Variants in SLCO1B1 observed in about 807,000 individuals in gnomAD.
SLCO1B1 encodes the protein OATP-2.
In SLCO1B1, 81 loss-of-function variants were observed where a neutral mutation model predicts 70.1. That is an observed-to-expected ratio of 1.16 (90% CI 0.97 to 1.39). The LOEUF is 1.39. Ranked by LOEUF, SLCO1B1 falls within the 40% of genes most tolerant of loss-of-function variation. The pLI is 0.00. For missense variants in SLCO1B1, 895 were observed against 799.6 expected (o/e 1.12, Z -1.44); for synonymous variants, 283 against 271.5 (o/e 1.04, Z -0.42).
chr12:21,141,445 G>C, intron 1 of SLCO1B1, 69 bp from the exon 2 acceptor site: 2 of 579,410 alleles, frequency 3.5e-6, no homozygotes, highest in Admixed American at 4.9e-5. Flanking sequence ...TGATGATCTT[G>C]TGGCTTTTCT....
At chr12:21,169,745 A>ATT (rs60617481) in intron 2 of SLCO1B1, among the ~76,000 whole-genome samples, 44,963 of 150,912 alleles carry the variant, frequency 0.3, 7,849 homozygotes, top group East Asian at 0.49. Context: ...TGGAGATGTA[A>ATT]TTTTTTTTTC....
At chr12:21,231,447 G>A (rs530120307) in intron 14 of SLCO1B1, among the ~76,000 whole-genome samples, 39 of 152,094 alleles carry the variant, frequency 2.6e-4, no homozygotes, top group African/African-American at 7.5e-4. Context: ...TCCCAAAAAT[G>A]GTACCTCCTA....
chr12:21,214,838 C>T (rs540704921), intron 11 of SLCO1B1, among the ~76,000 whole-genome samples: 9 of 152,188 alleles, frequency 5.9e-5, no homozygotes, highest in East Asian at 1.9e-4. Flanking sequence ...AGGTGCTGTC[C>T]GTCACCCCTT....
chr12:21,193,271 C>T (rs956689374), intron 7 of SLCO1B1, among the ~76,000 whole-genome samples: 3 of 152,010 alleles, frequency 2.0e-5, no homozygotes, highest in Non-Finnish European at 2.9e-5. Flanking sequence ...TCTAGTCATT[C>T]TATTTATAAT....
In SLCO1B1 at chr12:21,224,869, TTTTC is replaced by T. The variant is rs1941467271; in HGVS notation, c.1865+34_1865+37del. ...GTTGTCATAAATATATTTCATTATT[TTTTC>T]TTTGACTATATTAATTCCTAAAAAA... On this transcript the variant is annotated intron_variant, in intron 14 of 14. Coordinates refer to ENST00000256958, the MANE Select transcript of SLCO1B1 (RefSeq NM_006446.5). 6 of 1,218,114 alleles carry T rather than the reference TTTTC, an allele frequency of 4.9e-6. No individual in the cohort carries two copies. The East Asian group carries it at 1.4e-4, about 29-fold the overall frequency. The allele number at this position is 1,218,114 out of a possible 1,614,324, so 75.5% of individuals were successfully genotyped here. A position where few individuals can be genotyped will look rare whatever the true frequency, so the allele number is the denominator to read the frequency against.
intron 7 of SLCO1B1, among the ~76,000 whole-genome samples, chr12:21,188,809 A>C (rs1335060623): frequency 6.6e-6 from 1 of 151,802 alleles, no homozygotes; most frequent in East Asian, 1.9e-4. Context: ...TAACCATTCT[A>C]CTCTTTGCTT....
chr12:21,136,181 A>C (rs1315517996), intron 1 of SLCO1B1, among the ~76,000 whole-genome samples: 5 of 152,114 alleles, frequency 3.3e-5, no homozygotes, highest in Admixed American at 6.6e-5. Context: ...TGGCTTGTAG[A>C]GTTTCTGCCG....
intron 2 of SLCO1B1, among the ~76,000 whole-genome samples, chr12:21,162,857 C>A (rs921940504): frequency 2.0e-5 from 3 of 152,046 alleles, no homozygotes; most frequent in Non-Finnish European, 4.4e-5. Context: ...ATAGTAGGTT[C>A]CACATGATAA....
chr12:21,147,636 T>C (rs1279244848), intron 2 of SLCO1B1, among the ~76,000 whole-genome samples: 2 of 152,244 alleles, frequency 1.3e-5, no homozygotes, highest in African/African-American at 2.4e-5. Context: ...GGCTGCATAG[T>C]ATTCCATGGT....
intron 2 of SLCO1B1, among the ~76,000 whole-genome samples, chr12:21,155,942 A>G (rs80205955): frequency 6.4e-4 from 98 of 152,300 alleles, no homozygotes; most frequent in Admixed American, 2.0e-3. Context: ...ACATGCAACC[A>G]ATGTCTGAAC....
intron 12 of SLCO1B1, among the ~76,000 whole-genome samples, chr12:21,219,738 G>T (rs749938716): frequency 5.9e-5 from 9 of 152,034 alleles, no homozygotes; most frequent in African/African-American, 2.2e-4. Flanking sequence ...ATGAGTCTCA[G>T]TTGTTTTGCT....
chr12:21,182,163 GT>G (rs1352367774), intron 7 of SLCO1B1, among the ~76,000 whole-genome samples: 1 of 152,144 alleles, frequency 6.6e-6, no homozygotes, highest in African/African-American at 2.4e-5. Context: ...GTGCAGGGTT[GT>G]TGAACACCAG....
chr12:21,214,416 C>A (rs563243986), intron 11 of SLCO1B1, among the ~76,000 whole-genome samples: 1 of 147,558 alleles, frequency 6.8e-6, no homozygotes, highest in South Asian at 2.1e-4. Flanking sequence ...GCAGTGTGCC[C>A]GTTCTCAGAT....
At chr12:21,141,893 G>A (rs1940314740) in intron 2 of SLCO1B1, among the ~76,000 whole-genome samples, 1 of 151,668 alleles carries the variant, frequency 6.6e-6, no homozygotes, top group Non-Finnish European at 1.5e-5. Context: ...AGAAAATTTA[G>A]AAATATTTTG....
chr12:21,183,848 C>A (rs1940932789), intron 7 of SLCO1B1, among the ~76,000 whole-genome samples: 1 of 151,760 alleles, frequency 6.6e-6, no homozygotes, highest in South Asian at 2.1e-4. Flanking sequence ...TTAAGGAATT[C>A]AATAATTCCA....
At chr12:21,168,510 T>A (rs1940719200) in intron 2 of SLCO1B1, among the ~76,000 whole-genome samples, 1 of 152,190 alleles carries the variant, frequency 6.6e-6, no homozygotes, top group Non-Finnish European at 1.5e-5. Context: ...CATTTTATAT[T>A]TCCATCAACA....
At chr12:21,178,755 ACTTTCC>A in intron 6 of SLCO1B1, 33 bp downstream of exon 6, 1 of 1,571,984 alleles carries the variant, frequency 6.4e-7, no homozygotes, top group Non-Finnish European at 8.8e-7. Context: ...TTGTATGATC[ACTTTCC>A]CTTTGTCTAC....
rs1434022378 is a variant in SLCO1B1 at position 21,212,174 on chromosome 12, C to A, written c.1498-4945C>A. ...TGATGTTAGGGTGTCAATTTTGGAT[C>A]TTTCCTGCTTTCTCTTGTGGGCATT... On this transcript the variant is annotated intron_variant, in intron 11 of 14. Coordinates refer to ENST00000256958, the MANE Select transcript of SLCO1B1 (RefSeq NM_006446.5). Among the ~76,000 whole-genome samples, 73 of 113,010 alleles carry A rather than the reference C, an allele frequency of 6.5e-4. 1 individual carries two copies. The highest frequency in any genetic ancestry group is 2.3e-3 in the African/African-American group (67 of 29,578). 74.1% of individuals were successfully genotyped at this position (113,010 alleles called of 152,430 possible).
chr12:21,209,460 G>C (rs543443380), intron 11 of SLCO1B1, among the ~76,000 whole-genome samples: 1 of 152,228 alleles, frequency 6.6e-6, no homozygotes, highest in Non-Finnish European at 1.5e-5. Flanking sequence ...GTCTATCACT[G>C]TTGGACATTT....
Sources: allele counts gnomAD v4.1 joint callset (sites outside exome capture counted in the v4.1 genomes callset), GRCh38; gene constraint gnomAD v4.1.1; transcripts MANE v1.5; gene names NCBI Gene and HGNC (gene_info 2026-07-23, HGNC 2026-07-21).